The following CADM2 variants were observed in gnomAD, a reference collection of about 807,000 sequenced individuals.
CADM2 encodes the protein cell adhesion molecule 2.
CADM2 carries 12 observed loss-of-function variants against 49.8 expected under a neutral mutation model. The ratio of observed to expected loss-of-function variants is 0.24; its 90% confidence interval spans 0.15 to 0.39. CADM2 has a LOEUF of 0.39. Ranked by LOEUF, CADM2 falls within the 10% of genes least tolerant of loss-of-function variation. The pLI, the probability that CADM2 is intolerant of heterozygous loss-of-function variation, is 1.00. For missense variants in CADM2, 378 were observed against 492.3 expected (o/e 0.77, Z 2.20); for synonymous variants, 214 against 175.4 (o/e 1.22, Z -1.74).
chr3:85,488,847 A>G (rs1368118768), intron 1 of CADM2, among the ~76,000 whole-genome samples: 1 of 152,010 alleles, frequency 6.6e-6, no homozygotes, highest in East Asian at 1.9e-4. Flanking sequence ...CTATTTCTTT[A>G]CTTCAGTAGT....
chr3:85,088,412 A>C (rs558136259), intron 1 of CADM2, among the ~76,000 whole-genome samples: 1 of 152,280 alleles, frequency 6.6e-6, no homozygotes, highest in South Asian at 2.1e-4. Context: ...ATTTGTAATA[A>C]GCAAAACTTA....
intron 1 of CADM2, among the ~76,000 whole-genome samples, chr3:84,980,289 G>A (rs1055631176): frequency 2.0e-5 from 3 of 152,114 alleles, no homozygotes; most frequent in African/African-American, 7.2e-5. Flanking sequence ...CCCTTGCTAA[G>A]CCTGTGGATT....
At chr3:85,103,315 A>G (rs1406307245) in intron 1 of CADM2, among the ~76,000 whole-genome samples, 1 of 152,138 alleles carries the variant, frequency 6.6e-6, no homozygotes, top group Admixed American at 6.6e-5. Context: ...ACGTATAAAT[A>G]AAAAAATTTA....
intron 1 of CADM2, among the ~76,000 whole-genome samples, chr3:85,114,083 C>T (rs758279342): frequency 6.6e-6 from 1 of 151,940 alleles, no homozygotes; most frequent in Non-Finnish European, 1.5e-5. Flanking sequence ...CATAATTAGT[C>T]TCTGTGGTAG....
Position 85,330,269 on chromosome 3 carries a change from A to G in CADM2, c.61+370601A>G, listed in dbSNP as rs570604451. 3.9e-5 allele frequency among the ~76,000 whole-genome samples: 6 copies of G among 152,306 alleles called. No individual in the cohort carries two copies. In the East Asian group the frequency reaches 1.2e-3, roughly 30 times the overall value. On this transcript the variant is annotated intron_variant, in intron 1 of 9. Coordinates refer to ENST00000383699, the MANE Select transcript of CADM2 (RefSeq NM_001167675.2). ...GTCTATTTTTTCTCAATTACACAAT[A>G]GAAATGTTGAACTGGATGAGTCGCT...
At chr3:85,441,758 A>G (rs2037212377) in intron 1 of CADM2, among the ~76,000 whole-genome samples, 1 of 152,122 alleles carries the variant, frequency 6.6e-6, no homozygotes, top group African/African-American at 2.4e-5. Flanking sequence ...GAAATGATGT[A>G]GCTTAGCTTG....
chr3:85,051,009 G>T (rs1399122336), intron 1 of CADM2, among the ~76,000 whole-genome samples: 1 of 152,154 alleles, frequency 6.6e-6, no homozygotes, highest in Non-Finnish European at 1.5e-5. Flanking sequence ...CCTGCTTCAT[G>T]CTATTCTTAA....
chr3:85,658,576 GTATATATATATATATATATATATA>G (rs397990421), intron 1 of CADM2, among the ~76,000 whole-genome samples: 7 of 68,754 alleles, frequency 1.0e-4, no homozygotes, highest in African/African-American at 2.8e-4. Flanking sequence ...GGATATATGT[GTATATATATATATATATATATATA>G]TATATATATA....
chr3:85,439,485 T>G (rs368458652), intron 1 of CADM2, among the ~76,000 whole-genome samples: 1 of 152,300 alleles, frequency 6.6e-6, no homozygotes. Flanking sequence ...ACTGGTTTAA[T>G]GTAAATTAAT....
intron 1 of CADM2, among the ~76,000 whole-genome samples, chr3:85,018,425 T>G (rs1325103344): frequency 6.6e-6 from 1 of 152,202 alleles, no homozygotes; most frequent in African/African-American, 2.4e-5. Flanking sequence ...TTGCCCAGGC[T>G]GGAGTGCAGT....
chr3:85,755,177 C>CCT (rs546873184), intron 2 of CADM2, among the ~76,000 whole-genome samples: 77 of 152,262 alleles, frequency 5.1e-4, no homozygotes, highest in South Asian at 1.0e-3. Context: ...GTTATGGTAT[C>CCT]CTCAAGTTAC....
intron 1 of CADM2, among the ~76,000 whole-genome samples, chr3:85,253,654 C>T (rs1457622533): frequency 1.3e-5 from 2 of 152,068 alleles, no homozygotes; most frequent in Admixed American, 6.6e-5. Context: ...AAGTTTGTCG[C>T]ATCCTTCTCT....
chr3:85,163,611 C>T (rs2107671974), intron 1 of CADM2, among the ~76,000 whole-genome samples: 1 of 152,160 alleles, frequency 6.6e-6, no homozygotes, highest in African/African-American at 2.4e-5. Context: ...ATACCATCCA[C>T]ATACCCTCAT....
At chr3:85,651,098 C>T (rs1251198050) in intron 1 of CADM2, among the ~76,000 whole-genome samples, 2 of 151,766 alleles carry the variant, frequency 1.3e-5, no homozygotes, top group East Asian at 3.9e-4. Context: ...TACATTTCCT[C>T]AGGGCTACAA....
chr3:85,492,174 A>G (rs1244311867), intron 1 of CADM2, among the ~76,000 whole-genome samples: 1 of 152,230 alleles, frequency 6.6e-6, no homozygotes, highest in Non-Finnish European at 1.5e-5. Flanking sequence ...TAAAAACAGA[A>G]ATATTAAAAT....
At chr3:85,924,055 A>C (rs1719502041) in intron 6 of CADM2, among the ~76,000 whole-genome samples, 1 of 152,218 alleles carries the variant, frequency 6.6e-6, no homozygotes, top group Admixed American at 6.5e-5. Context: ...TCTCATAATA[A>C]AAGAAACATA....
intron 1 of CADM2, among the ~76,000 whole-genome samples, chr3:85,242,751 A>C (rs570037020): frequency 1.3e-5 from 2 of 151,926 alleles, no homozygotes; most frequent in African/African-American, 4.8e-5. Context: ...GACAATTCAA[A>C]TACATATTTT....
At chr3:85,191,597 C>T (rs1334388236) in intron 1 of CADM2, among the ~76,000 whole-genome samples, 5 of 152,042 alleles carry the variant, frequency 3.3e-5, no homozygotes, top group Non-Finnish European at 7.4e-5. Context: ...TGACTGCAGT[C>T]ACAGTGTCTA....
In CADM2 at chr3:85,526,825, GTAT is replaced by G. The variant is rs779152578; in HGVS notation, c.62-199693_62-199691del. On this transcript the variant is annotated intron_variant, in intron 1 of 9. Transcript: ENST00000383699. ...TACCCTATCAAAACTAAAAATACAAGTATTATCCCCATTTTATAGCTAAGGGAA... is the reference window on the plus strand; with the variant it reads ...TACCCTATCAAAACTAAAAATACAAGTATCCCCATTTTATAGCTAAGGGAA... Among the ~76,000 whole-genome samples the G allele has an allele frequency of 7.2e-5, 11 of 152,038 alleles. No homozygotes were observed. In the South Asian group the frequency reaches 2.1e-3, roughly 29 times the overall value.
Sources: gnomAD v4.1 joint callset for allele counts (sites outside exome capture counted in the v4.1 genomes callset) on GRCh38, gnomAD v4.1.1 for gene constraint, MANE v1.5 for transcripts, NCBI Gene and HGNC (gene_info 2026-07-23, HGNC 2026-07-21) for gene names.